C2CD3: variants seen among roughly 807,000 people sequenced by gnomAD.
The protein encoded by C2CD3 is C2 domain containing 3 centriole elongation regulator.
C2CD3 carries 148 observed loss-of-function variants against 234.0 expected under a neutral mutation model. The observed-to-expected ratio is 0.63, with a 90% CI of 0.55 to 0.72. C2CD3 has a LOEUF of 0.72. Ranked by LOEUF, C2CD3 falls within the 30% of genes least tolerant of loss-of-function variation. C2CD3 has a pLI of 0.00. For missense variants in C2CD3, 2,577 were observed against 2,811.5 expected (o/e 0.92, Z 1.89); for synonymous variants, 1,000 against 1,035.4 (o/e 0.97, Z 0.66).
At chr11:74,167,627 T>C (rs1167966252) in intron 2 of C2CD3, among the ~76,000 whole-genome samples, 1 of 152,238 alleles carries the variant, frequency 6.6e-6, no homozygotes, top group Admixed American at 6.5e-5. Context: ...CAACCATGTT[T>C]ACATGATAAA....
At chr11:74,027,612 A>AT (rs1316945774) in intron 32 of C2CD3, among the ~76,000 whole-genome samples, 3 of 151,914 alleles carry the variant, frequency 2.0e-5, no homozygotes, top group Non-Finnish European at 4.4e-5. Flanking sequence ...TAAATATTTT[A>AT]TTTTTTGCTC....
intron 14 of C2CD3, 64 bp from the exon 15 acceptor site, chr11:74,100,740 C>G (rs1565294141): frequency 7.3e-7 from 1 of 1,371,808 alleles, no homozygotes; most frequent in Admixed American, 2.1e-5. Flanking sequence ...TTAATTTATA[C>G]TTTCATTCAA....
At chr11:74,055,654 C>G (rs1289547205) in intron 25 of C2CD3, among the ~76,000 whole-genome samples, 2 of 152,222 alleles carry the variant, frequency 1.3e-5, no homozygotes, top group Non-Finnish European at 2.9e-5. Context: ...GTGACTCTGG[C>G]CATGCACTTA....
intron 8 of C2CD3, among the ~76,000 whole-genome samples, chr11:74,120,489 G>A (rs763338594): frequency 8.5e-5 from 13 of 152,224 alleles, no homozygotes; most frequent in African/African-American, 1.9e-4. Flanking sequence ...AGTATTCCAC[G>A]GTGTATATGT....
chr11:74,169,710 C>T (rs973827452), intron 1 of C2CD3, among the ~76,000 whole-genome samples: 4 of 152,180 alleles, frequency 2.6e-5, no homozygotes, highest in African/African-American at 9.7e-5. Context: ...CTTTGACTTT[C>T]CGATTATCAA....
rs79383228 is a variant in C2CD3, at chr11:74,031,179, A to G, written c.6809+2172T>C. 8.0e-4 allele frequency among the ~76,000 whole-genome samples: 122 copies of G among 152,350 alleles called. 1 individual carries two copies. Among genetic ancestry groups the G allele is most frequent in the Non-Finnish European group, 2.8e-4 (19 of 68,036 alleles). ...CCAGGTATTGTGCTAGGCAGTTTAC[A>G]TGATTATTTTCATTTTCATTTTCAC... On this transcript the variant is annotated intron_variant, in intron 31 of 32. Transcript: ENST00000334126.
intron 20 of C2CD3, among the ~76,000 whole-genome samples, chr11:74,088,991 G>C (rs1040316282): frequency 2.0e-5 from 3 of 152,098 alleles, no homozygotes. Flanking sequence ...ATATATTAAA[G>C]TTTTTCTATT....
chr11:74,013,432 G>A lies in C2CD3; in HGVS notation c.7015C>T (p.Leu2339Phe). 7.2e-7 allele frequency: 1 copy of A among 1,390,078 alleles called. No homozygotes were observed. Among genetic ancestry groups the A allele is most frequent in the African/African-American group, 1.5e-5 (1 of 67,362 alleles). The allele number at this position is 1,390,078 out of a possible 1,614,324, so 86.1% of individuals were successfully genotyped here. A position where few individuals can be genotyped will look rare whatever the true frequency, so the allele number is the denominator to read the frequency against. Reference protein sequence around the residue: ...LPLNLPEEETLRIARIFSSQY... With the variant: ...LPLNLPEEETFRIARIFSSQY... Reference sequence around the variant, plus strand: ...GAAGAAAATATCCGTGCAATCCTGAGAGTTTCTTCCTCAGGCAGGTTGAGG... The same window carrying A: ...GAAGAAAATATCCGTGCAATCCTGAAAGTTTCTTCCTCAGGCAGGTTGAGG... The change falls in exon 33 of 33, where the codon CTC becomes TTC. Residue 2339 changes from leucine to phenylalanine, a missense_variant. Transcript: ENST00000334126.
At chr11:74,027,892 T>G (rs997659725) in intron 32 of C2CD3, among the ~76,000 whole-genome samples, 10 of 152,200 alleles carry the variant, frequency 6.6e-5, no homozygotes, top group African/African-American at 2.4e-4. Context: ...GGCAAATAGT[T>G]GTACGACTGA....
intron 3 of C2CD3, among the ~76,000 whole-genome samples, chr11:74,149,937 C>G (rs912628689): frequency 3.3e-5 from 5 of 152,066 alleles, no homozygotes; most frequent in Non-Finnish European, 5.9e-5. Flanking sequence ...ATTCAACATT[C>G]TGGAGGCATT....
At position 74,028,352 on chromosome 11, in the gene C2CD3, A is replaced by G. The variant is rs1952389366; in HGVS notation, c.6856T>C (p.Leu2286=). 10 of 1,536,034 alleles carry G rather than the reference A, an allele frequency of 6.5e-6. No homozygotes were observed. Among genetic ancestry groups the G allele is most frequent in the South Asian group, 1.2e-5 (1 of 84,054 alleles). Residue 2286 remains leucine (L), a synonymous_variant, in exon 32 of 33, where the codon TTG becomes CTG. Transcript: ENST00000334126. The part of the protein sequence containing the change: ...VPNFFLPPQQ[L]EASLRMLSLS... The stretch of plus-strand genomic sequence containing the variant: ...GAAAGCATCCGCAGGGAAGCCTCCA[A>G]CTGCTGGGGAGGCAAAAAGAAGTTG...
At chr11:74,039,649 G>T (rs867744527) in intron 29 of C2CD3, among the ~76,000 whole-genome samples, 9 of 152,160 alleles carry the variant, frequency 5.9e-5, no homozygotes, top group Non-Finnish European at 1.3e-4. Flanking sequence ...TTGTCCCTCA[G>T]GATACACTTG....
intron 2 of C2CD3, among the ~76,000 whole-genome samples, chr11:74,163,218 T>A (rs959473613): frequency 6.6e-6 from 1 of 152,204 alleles, no homozygotes; most frequent in Non-Finnish European, 1.5e-5. Context: ...GCTATTTCTG[T>A]ATAAGCCATG....
Position 74,028,249 on chromosome 11 carries a change from G to T in C2CD3, c.6921+38C>A. The T allele has an allele frequency of 3.7e-6, 5 of 1,368,520 alleles. No individual in the cohort carries two copies. The South Asian group carries it at 6.3e-5, about 17-fold the overall frequency. 84.8% of individuals were successfully genotyped at this position (1,368,520 alleles called of 1,614,324 possible). A position where few individuals can be genotyped will look rare whatever the true frequency, so the allele number is the denominator to read the frequency against. ...TGCACACTTCTGTGGAAGAGATGAT[G>T]ACTCTATAGAAGAAAGGTCAGTTGG... On this transcript the variant is annotated intron_variant, in intron 32 of 32. Coordinates refer to ENST00000334126, the MANE Select transcript of C2CD3 (RefSeq NM_001286577.2).
chr11:74,043,317 G>C (rs146972145), intron 28 of C2CD3, among the ~76,000 whole-genome samples: 541 of 152,288 alleles, frequency 3.6e-3, no homozygotes, highest in Non-Finnish European at 6.2e-3. Context: ...GCATGTATCA[G>C]TCCTTCATTC....
chr11:74,122,916 C>CTGGCA, intron 8 of C2CD3, 72 bp downstream of exon 8: 2 of 1,264,552 alleles, frequency 1.6e-6, no homozygotes, highest in Non-Finnish European at 1.1e-6. Context: ...GCATAGCTGT[C>CTGGCA]ATGCCTGCAG....
At chr11:74,104,519 G>T (rs1162345242) in intron 13 of C2CD3, among the ~76,000 whole-genome samples, 1 of 152,028 alleles carries the variant, frequency 6.6e-6, no homozygotes, top group Non-Finnish European at 1.5e-5. Context: ...TACATGTATG[G>T]GGGGAGGAGA....
intron 22 of C2CD3, 116 bp downstream of exon 22, chr11:74,084,765 G>T: frequency 1.5e-6 from 1 of 677,020 alleles, no homozygotes. Flanking sequence ...AGAAGCATGT[G>T]TTAAGGGGTT....
intron 14 of C2CD3, among the ~76,000 whole-genome samples, chr11:74,102,563 G>A (rs1191105558): frequency 6.6e-6 from 1 of 152,172 alleles, no homozygotes; most frequent in Non-Finnish European, 1.5e-5. Context: ...AGTAAGAGTG[G>A]AAGCACCAAC....
Sources: allele counts gnomAD v4.1 joint callset (sites outside exome capture counted in the v4.1 genomes callset), GRCh38; gene constraint gnomAD v4.1.1; transcripts MANE v1.5; gene names NCBI Gene and HGNC (gene_info 2026-07-23, HGNC 2026-07-21).